The following HSD17B12 variants were observed in gnomAD, a reference collection of about 807,000 sequenced individuals.
The protein encoded by HSD17B12 is hydroxysteroid 17-beta dehydrogenase 12.
HSD17B12 carries 32 observed loss-of-function variants against 39.3 expected under a neutral mutation model. The observed-to-expected ratio is 0.81, with a 90% CI of 0.61 to 1.09. The LOEUF is 1.09. Ranked by LOEUF, HSD17B12 falls within the 50% of genes least tolerant of loss-of-function variation. HSD17B12 has a pLI of 0.00. For missense variants in HSD17B12, 342 were observed against 382.9 expected, an observed-to-expected ratio of 0.89 and a Z score of 0.89; for synonymous variants, 150 against 146.7, an observed-to-expected ratio of 1.02 and a Z score of -0.16.
the HSD17B12 span, among the ~76,000 whole-genome samples, chr11:43,657,220 C>T: frequency 4.0e-4 from 61 of 152,336 alleles, no homozygotes; most frequent in Middle Eastern, 6.8e-3. Context: ...ATTAAGATTG[C>T]AACCCCTGCC....
chr11:43,706,976 T>C (rs1282005929), intron 1 of HSD17B12, among the ~76,000 whole-genome samples: 2 of 152,188 alleles, frequency 1.3e-5, no homozygotes, highest in African/African-American at 2.4e-5. Context: ...CTGTCATTTC[T>C]GCCCCTTATT....
At chr11:43,619,499 C>G in the HSD17B12 span, among the ~76,000 whole-genome samples, 1 of 150,790 alleles carries the variant, frequency 6.6e-6, no homozygotes, top group African/African-American at 2.4e-5. Flanking sequence ...AAGCGATTCT[C>G]CTGCCTCAGC....
At chr11:43,689,979 G>A (rs1454529714) in intron 1 of HSD17B12, among the ~76,000 whole-genome samples, 1 of 151,996 alleles carries the variant, frequency 6.6e-6, no homozygotes, top group Non-Finnish European at 1.5e-5. Flanking sequence ...TTGCTTTGGG[G>A]CCTTTGCTTT....
intron 1 of HSD17B12, chr11:43,734,044 G>T (rs1397795350): frequency 2.5e-6 from 2 of 790,680 alleles, no homozygotes; most frequent in Non-Finnish European, 4.5e-6. Flanking sequence ...ATCCTCTTCC[G>T]GCCTATCGCT....
At chr11:43,821,948 G>C (rs1294849871) in intron 6 of HSD17B12, among the ~76,000 whole-genome samples, 1 of 152,136 alleles carries the variant, frequency 6.6e-6, no homozygotes, top group Non-Finnish European at 1.5e-5. Context: ...TGCCCAAACA[G>C]TATTACCTGA....
intron 9 of HSD17B12, among the ~76,000 whole-genome samples, chr11:43,849,971 G>T (rs973818629): frequency 6.6e-6 from 1 of 152,182 alleles, no homozygotes; most frequent in Non-Finnish European, 1.5e-5. Flanking sequence ...ATCTTTGGAG[G>T]TAGGTTATTT....
chr11:43,656,792 A>T, the HSD17B12 span, among the ~76,000 whole-genome samples: 1 of 152,132 alleles, frequency 6.6e-6, no homozygotes, highest in African/African-American at 2.4e-5. Context: ...CTGTTCTTTT[A>T]CATTTGCTGA....
the HSD17B12 span, among the ~76,000 whole-genome samples, chr11:43,590,558 G>A: frequency 1.1e-3 from 114 of 107,718 alleles, no homozygotes; most frequent in African/African-American, 3.8e-3. Context: ...CACCCAAGCC[G>A]GAGAGCTGCG....
In HSD17B12 at chr11:43,689,912, C is replaced by G. The variant is rs149443906; in HGVS notation, c.160+8925C>G. ...GACCTCTGACCTCATCTCCACTACT[C>G]TTACTCCGTTCCACCCACATACACC... On this transcript the variant is annotated intron_variant, in intron 1 of 10. Coordinates refer to ENST00000278353, the MANE Select transcript of HSD17B12 (RefSeq NM_016142.3). Among the ~76,000 whole-genome samples, 944 of 152,220 alleles carry G rather than the reference C, an allele frequency of 6.2e-3. 16 individuals carry two copies. The highest frequency in any genetic ancestry group is 0.021 in the African/African-American group (886 of 41,542).
chr11:43,701,628 G>A (rs1157876648), intron 1 of HSD17B12, among the ~76,000 whole-genome samples: 2 of 152,126 alleles, frequency 1.3e-5, no homozygotes, highest in Non-Finnish European at 2.9e-5. Context: ...TGTTGAAAAT[G>A]AGTTCACTGT....
chr11:43,640,513 T>G, the HSD17B12 span, among the ~76,000 whole-genome samples: 15 of 152,242 alleles, frequency 9.9e-5, 1 homozygote, highest in Admixed American at 4.6e-4. Flanking sequence ...GAAAATTGAT[T>G]TGAAGATAGA....
chr11:43,762,033 GT>G, intron 3 of HSD17B12, among the ~76,000 whole-genome samples: 1 of 152,264 alleles, frequency 6.6e-6, no homozygotes, highest in East Asian at 1.9e-4. Context: ...CAATCTGCCA[GT>G]TTATAAGCTA....
chr11:43,749,182 G>A (rs988716547), intron 1 of HSD17B12, among the ~76,000 whole-genome samples: 6 of 152,234 alleles, frequency 3.9e-5, no homozygotes, highest in Admixed American at 1.3e-4. Flanking sequence ...ATCAAGGACA[G>A]GCTGAGAAAG....
chr11:43,846,377 C>G (rs1249467285), intron 9 of HSD17B12, among the ~76,000 whole-genome samples: 6 of 152,172 alleles, frequency 3.9e-5, no homozygotes, highest in Admixed American at 3.9e-4. Context: ...TCAACAGGAG[C>G]CCTGTGCTGG....
At chr11:43,570,053 C>T in the HSD17B12 span, 2 of 152,636 alleles carry the variant, frequency 1.3e-5, no homozygotes, top group Non-Finnish European at 2.9e-5. Flanking sequence ...ATTCCTCCCT[C>T]ATGCTAGATT....
At chr11:43,733,683 A>T (rs1950289600) in intron 1 of HSD17B12, 1 of 479,458 alleles carries the variant, frequency 2.1e-6, no homozygotes, top group Non-Finnish European at 3.9e-6. Context: ...AGTAACTTTT[A>T]AAAAAAGGGG....
chr11:43,636,964 C>T, the HSD17B12 span, among the ~76,000 whole-genome samples: 1 of 152,002 alleles, frequency 6.6e-6, no homozygotes, highest in Non-Finnish European at 1.5e-5. Flanking sequence ...AGCTCTGTAC[C>T]CAAAATGTAT....
chr11:43,582,988 C>G, the HSD17B12 span, among the ~76,000 whole-genome samples: 8 of 152,186 alleles, frequency 5.3e-5, no homozygotes, highest in Non-Finnish European at 1.2e-4. Context: ...GTCTGTGGAG[C>G]GATAGCTTTG....
At chr11:43,572,954 A>AT in the HSD17B12 span, among the ~76,000 whole-genome samples, 1 of 151,950 alleles carries the variant, frequency 6.6e-6, no homozygotes, top group Non-Finnish European at 1.5e-5. Context: ...ACCTACTGGC[A>AT]TTTTTCGTGG....
Sources: gnomAD v4.1 joint callset for allele counts (sites outside exome capture counted in the v4.1 genomes callset) on GRCh38, gnomAD v4.1.1 for gene constraint, MANE v1.5 for transcripts, NCBI Gene and HGNC (gene_info 2026-07-23, HGNC 2026-07-21) for gene names.